Variants in PDPR observed in about 807,000 individuals in gnomAD.
PDPR encodes pyruvate dehydrogenase phosphatase regulatory subunit, also known as pyruvate dehydrogenase phosphatase regulatory subunit, mitochondrial.
Under a neutral mutation model 102.2 loss-of-function variants are expected in PDPR, and 50 were observed. The observed-to-expected ratio is 0.49, with a 90% CI of 0.39 to 0.62. PDPR has a LOEUF of 0.62. Ranked by LOEUF, PDPR falls within the 20% of genes least tolerant of loss-of-function variation. The probability of loss-of-function intolerance (pLI) is 0.00; values close to 1 mark genes in which losing one functional copy is unlikely to be tolerated. For synonymous variants in PDPR, 259 were observed against 406.0 expected (o/e 0.64, Z 4.35); for missense variants, 625 against 1,098.2 (o/e 0.57, Z 6.09).
chr16:70,137,269 T>C (rs1411989621), intron 10 of PDPR, among the ~76,000 whole-genome samples: 10 of 152,184 alleles, frequency 6.6e-5, no homozygotes, highest in Admixed American at 1.3e-4. Flanking sequence ...GACAGGAGAA[T>C]GGCGTGAACC....
At chr16:70,146,864 C>G (rs1273658473) in intron 16 of PDPR, among the ~76,000 whole-genome samples, 1 of 57,452 alleles carries the variant, frequency 1.7e-5, no homozygotes, top group Non-Finnish European at 4.0e-5. Flanking sequence ...AAGACTGTCT[C>G]AAAAAAAAAA....
intron 18 of PDPR, among the ~76,000 whole-genome samples, chr16:70,155,290 TTC>T (rs1411142238): frequency 1.3e-5 from 2 of 152,272 alleles, no homozygotes; most frequent in Non-Finnish European, 2.9e-5. Context: ...TATTTTTTTT[TTC>T]TTTCTTGAGA....
chr16:70,154,303 G>C (rs1031101397), intron 18 of PDPR, among the ~76,000 whole-genome samples: 9 of 152,380 alleles, frequency 5.9e-5, no homozygotes, highest in Middle Eastern at 3.4e-3. Flanking sequence ...ACTCCAGCCT[G>C]TGTGACAGGG....
At chr16:70,155,144 A>T (rs926289416) in intron 18 of PDPR, among the ~76,000 whole-genome samples, 22 of 152,234 alleles carry the variant, frequency 1.4e-4, no homozygotes, top group Middle Eastern at 3.4e-3. Context: ...GTGAGCCGAG[A>T]TCATACCATT....
chr16:70,119,259 A>G (rs2549082), intron 2 of PDPR, among the ~76,000 whole-genome samples: 89,530 of 151,762 alleles, frequency 0.59, 28,121 homozygotes, highest in African/African-American at 0.82. Flanking sequence ...CTAGGAAGTC[A>G]ACTCTGTTTT....
chr16:70,149,766 T>C (rs1410917539), intron 17 of PDPR, among the ~76,000 whole-genome samples: 1 of 152,280 alleles, frequency 6.6e-6, no homozygotes, highest in Non-Finnish European at 1.5e-5. Flanking sequence ...TCTAATCATA[T>C]GCAAATAGTA....
intron 17 of PDPR, among the ~76,000 whole-genome samples, chr16:70,149,699 C>T (rs2152115645): frequency 1.3e-5 from 2 of 152,402 alleles, no homozygotes; most frequent in South Asian, 4.1e-4. Context: ...TACTAATAGA[C>T]ATTTATGTTA....
intron 3 of PDPR, among the ~76,000 whole-genome samples, chr16:70,126,465 G>A (rs1270960607): frequency 2.6e-4 from 39 of 152,250 alleles, no homozygotes; most frequent in African/African-American, 9.4e-4. Context: ...CCGGGTTCAT[G>A]CCATTCTCCT....
In PDPR at chr16:70,114,872, C is replaced by G. The variant is rs189250765; in HGVS notation, c.-91C>G. On this transcript the variant is annotated 5_prime_UTR_variant, in exon 2 of 19. Coordinates refer to ENST00000288050, the MANE Select transcript of PDPR (RefSeq NM_017990.5). The stretch of plus-strand genomic sequence containing the variant: ...GTGCGGTCCGCTTGTGCTTTTAGAA[C>G]TAAAGACTGCTGCAGAGTCCGGAGG... 6.6e-6 allele frequency: 1 copy of G among 152,446 alleles called. No individual in the cohort carries two copies. Among genetic ancestry groups the G allele is most frequent in the East Asian group, 1.9e-4 (1 of 5,182 alleles). The allele number at this position is 152,446 out of a possible 1,614,324, so 9.4% of individuals were successfully genotyped here. A position where few individuals can be genotyped will look rare whatever the true frequency, so the allele number is the denominator to read the frequency against.
At position 70,153,557 on chromosome 16, in the gene PDPR, G is replaced by T. The variant is rs543584154; in HGVS notation, c.2219G>T (p.Arg740Leu). Reference sequence around the variant, plus strand: ...CCCCTGGAATGTGGACGAGAGTCTCGGGTGAAATTAGAGAAGGTACTGTGT... The same window carrying T: ...CCCCTGGAATGTGGACGAGAGTCTCTGGTGAAATTAGAGAAGGTACTGTGT... ...TTPLECGRES[R>L]VKLEKGMDFI... is the part of the protein sequence containing the mutation. The change falls in exon 18 of 19, where the codon CGG (arginine) becomes CTG (leucine). Residue 740 changes from arginine to leucine, a missense_variant. Arg to Leu is a moderately radical substitution (Grantham distance 102, BLOSUM62 -2). This residue lies in a region of PDPR where 303 missense variants were observed against 258.9 expected (regional missense o/e 1.17). Coordinates refer to ENST00000288050, the MANE Select transcript of PDPR (RefSeq NM_017990.5). 1 of 1,605,444 alleles carries T rather than the reference G, an allele frequency of 6.2e-7. No homozygotes were observed. The highest frequency in any genetic ancestry group is 8.5e-7 in the Non-Finnish European group (1 of 1,176,562).
intron 10 of PDPR, among the ~76,000 whole-genome samples, chr16:70,138,587 C>A (rs1252221135): frequency 6.6e-6 from 1 of 152,130 alleles, no homozygotes; most frequent in African/African-American, 2.4e-5. Flanking sequence ...CTCCTGACTT[C>A]AAGCAATCTC....
At chr16:70,150,355 C>T (rs1469028326) in intron 17 of PDPR, among the ~76,000 whole-genome samples, 6 of 148,172 alleles carry the variant, frequency 4.0e-5, no homozygotes, top group South Asian at 2.2e-4. Flanking sequence ...CCACCCACCT[C>T]GGCCTCCCAA....
chr16:70,161,096 G>A lies in PDPR; in HGVS notation c.*4217G>A, dbSNP rs1319249193. 6.6e-6 allele frequency: 1 copy of A among 152,492 alleles called. No individual in the cohort carries two copies. Among genetic ancestry groups the A allele is most frequent in the Non-Finnish European group, 1.5e-5 (1 of 68,242 alleles). The allele number at this position is 152,492 out of a possible 1,614,324, so 9.4% of individuals were successfully genotyped here. A position where few individuals can be genotyped will look rare whatever the true frequency, so the allele number is the denominator to read the frequency against. On this transcript the variant is annotated 3_prime_UTR_variant, in exon 19 of 19. Transcript: ENST00000288050. ...CTTCTTGGCCAGTGTAGTCAATAAG[G>A]GTCTTCTTTAACATCTAAGATAGAG...
Position 70,120,711 on chromosome 16 carries a change from G to T in PDPR, c.219G>T (p.Glu73Asp), listed in dbSNP as rs763613122. Residue 73 changes from glutamate to aspartate, a missense_variant, in exon 3 of 19, where the codon GAG becomes GAT. Coordinates refer to ENST00000288050, the MANE Select transcript of PDPR (RefSeq NM_017990.5). ...KMGWKDIVLL[E>D]QGRLAAGSTR... ...GGTGGAAGGATATTGTCCTTTTGGA[G>T]CAGGGCAGGTAAGGATCAGACTGCA... 1 of 1,609,026 alleles carries T rather than the reference G, an allele frequency of 6.2e-7. No homozygotes were observed. Among genetic ancestry groups the T allele is most frequent in the Non-Finnish European group, 8.5e-7 (1 of 1,175,460 alleles).
rs1162339028 is a variant in PDPR, at chr16:70,133,421, C to CTTTTTTTTTTTTT, written c.997+1122_997+1134dup. On this transcript the variant is annotated intron_variant, in intron 9 of 18. Coordinates refer to ENST00000288050, the MANE Select transcript of PDPR (RefSeq NM_017990.5). ...ACAGGCATGAGCCACTGCGTCTGGC[C>CTTTTTTTTTTTTT]TTTTTTTTTTTTTGAGATAAGAGTC... is the stretch of plus-strand genomic sequence containing the variant. Among the ~76,000 whole-genome samples, 250 of 103,670 alleles carry CTTTTTTTTTTTTT rather than the reference C, an allele frequency of 2.4e-3. 39 individuals carry two copies. Among genetic ancestry groups the CTTTTTTTTTTTTT allele is most frequent in the Middle Eastern group, 6.6e-3 (1 of 152 alleles). The allele number at this position is 103,670 out of a possible 152,430, so 68.0% of individuals were successfully genotyped here.
intron 16 of PDPR, among the ~76,000 whole-genome samples, 182 bp downstream of exon 16, chr16:70,146,410 G>A (rs2152111250): frequency 6.7e-6 from 1 of 150,012 alleles, no homozygotes; most frequent in Middle Eastern, 3.4e-3. Context: ...CCCAAAGTCA[G>A]GAGTTTGAGA....
intron 11 of PDPR, among the ~76,000 whole-genome samples, chr16:70,140,657 T>TA (rs1965614488): frequency 6.6e-6 from 1 of 152,104 alleles, no homozygotes; most frequent in African/African-American, 2.4e-5. Flanking sequence ...CTACTAAAAA[T>TA]ACAAAAATTT....
At chr16:70,118,100 A>G (rs1485839510) in intron 2 of PDPR, among the ~76,000 whole-genome samples, 1 of 151,966 alleles carries the variant, frequency 6.6e-6, no homozygotes, top group Non-Finnish European at 1.5e-5. Context: ...CTCAAAAAAA[A>G]AAAAAAAATT....
chr16:70,123,163 A>G (rs1224680930), intron 3 of PDPR, among the ~76,000 whole-genome samples: 1 of 152,230 alleles, frequency 6.6e-6, no homozygotes, highest in African/African-American at 2.4e-5. Flanking sequence ...CAGCCTCCCA[A>G]AGTGCTGGGA....
Sources: allele counts gnomAD v4.1 joint callset (sites outside exome capture counted in the v4.1 genomes callset), GRCh38; gene constraint gnomAD v4.1.1; regional missense constraint gnomAD v4.1.1; transcripts MANE v1.5; gene names NCBI Gene and HGNC (gene_info 2026-07-23, HGNC 2026-07-21).